The following CDH1 variants were observed in gnomAD, a reference collection of about 807,000 sequenced individuals.
The protein encoded by CDH1 is cadherin 1.
Under a neutral mutation model 84.5 loss-of-function variants are expected in CDH1, and 35 were observed. That is an observed-to-expected ratio of 0.41 (90% confidence interval 0.32 to 0.55). The LOEUF (loss-of-function observed/expected upper bound fraction) is 0.55, where lower values mean the gene tolerates loss of function less well. Ranked by LOEUF, CDH1 falls within the 20% of genes least tolerant of loss-of-function variation. The pLI is 0.19. For missense variants in CDH1, 994 were observed against 1,126.6 expected, an observed-to-expected ratio of 0.88 and a Z score of 1.68; for synonymous variants, 417 against 439.0, an observed-to-expected ratio of 0.95 and a Z score of 0.63.
chr16:68,812,000 G>T, intron 7 of CDH1, 135 bp from the exon 8 acceptor site: 4 of 1,480,184 alleles, frequency 2.7e-6, no homozygotes, highest in Non-Finnish European at 3.8e-6. Context: ...TGTGCCCAGA[G>T]GTTCCGTGCC....
intron 2 of CDH1, among the ~76,000 whole-genome samples, chr16:68,756,918 C>G (rs1963031457): frequency 6.6e-6 from 1 of 152,140 alleles, no homozygotes; most frequent in Non-Finnish European, 1.5e-5. Context: ...AGGTAGATCC[C>G]TTGAGTCCAG....
chr16:68,750,101 C>T (rs1354049742), intron 2 of CDH1, among the ~76,000 whole-genome samples: 3 of 146,576 alleles, frequency 2.0e-5, no homozygotes, highest in African/African-American at 7.5e-5. Flanking sequence ...TGTGAGCCAC[C>T]AGGCCTGGCC....
chr16:68,815,597 C>T lies in CDH1; in HGVS notation c.1403C>T (p.Thr468Ile), dbSNP rs876659141. 14 of 1,614,240 alleles carry T rather than the reference C, an allele frequency of 8.7e-6. No homozygotes were observed. Among genetic ancestry groups the T allele is most frequent in the Non-Finnish European group, 1.2e-5 (14 of 1,180,050 alleles). Residue 468 changes from threonine (T) to isoleucine (I), a missense_variant, in exon 10 of 16, where the codon ACC (threonine) becomes ATC (isoleucine). Coordinates refer to ENST00000261769, the MANE Select transcript of CDH1 (RefSeq NM_004360.5). ...GTACCTTTTGAGGTCTCTCTCACCA[C>T]CTCCACAGCCACCGTCACCGTGGAT... ...NVVPFEVSLT[T>I]STATVTVDVL... is the part of the protein sequence containing the mutation.
chr16:68,818,264 A>G (rs1029910136), intron 10 of CDH1, among the ~76,000 whole-genome samples: 1 of 151,756 alleles, frequency 6.6e-6, no homozygotes, highest in Admixed American at 6.6e-5. Flanking sequence ...AGAAAAGAAA[A>G]AAAAAGAAAA....
chr16:68,771,475 C>T (rs1260334921), intron 2 of CDH1, among the ~76,000 whole-genome samples: 3 of 152,008 alleles, frequency 2.0e-5, no homozygotes, highest in Admixed American at 6.6e-5. Context: ...TTTTTGTAGC[C>T]GGGCGCGGTG....
In CDH1 at chr16:68,750,150, C is replaced by CTTTTTTTTTTTTTTTTTTTTTTTT. The variant is rs34551002; in HGVS notation, c.163+11749_163+11750insTTTTTTTTTTTTTTTTTTTTTTTT. Among the ~76,000 whole-genome samples the CTTTTTTTTTTTTTTTTTTTTTTTT allele has an allele frequency of 7.5e-4, 59 of 79,104 alleles. 5 individuals are homozygous for CTTTTTTTTTTTTTTTTTTTTTTTT. Among genetic ancestry groups the CTTTTTTTTTTTTTTTTTTTTTTTT allele is most frequent in the South Asian group, 1.9e-3 (4 of 2,062 alleles). The allele number at this position is 79,104 out of a possible 152,430, so 51.9% of individuals were successfully genotyped here. A position where few individuals can be genotyped will look rare whatever the true frequency, so the allele number is the denominator to read the frequency against. On this transcript the variant is annotated intron_variant, in intron 2 of 15. Transcript: ENST00000261769. Reference sequence around the variant, plus strand: ...TTTTGATTGTGATGCTAGAATTCAGCTTTTTTTTTTGCCTTTGGAAGGCCT... The same window carrying CTTTTTTTTTTTTTTTTTTTTTTTT: ...TTTTGATTGTGATGCTAGAATTCAGCTTTTTTTTTTTTTTTTTTTTTTTTTTTTTTTTTTGCCTTTGGAAGGCCT...
intron 2 of CDH1, among the ~76,000 whole-genome samples, chr16:68,760,646 G>A (rs551248210): frequency 5.3e-5 from 8 of 152,070 alleles, no homozygotes; most frequent in South Asian, 2.1e-4. Flanking sequence ...GTTCTCTTCC[G>A]CACAGTGTGT....
intron 13 of CDH1, among the ~76,000 whole-genome samples, chr16:68,826,771 A>G (rs1308100227): frequency 1.3e-5 from 2 of 152,154 alleles, no homozygotes; most frequent in African/African-American, 2.4e-5. Flanking sequence ...CTTGCTTTGC[A>G]TGGATGGGGA....
At chr16:68,820,491 C>G (rs1021717812) in intron 11 of CDH1, among the ~76,000 whole-genome samples, 1 of 151,860 alleles carries the variant, frequency 6.6e-6, no homozygotes, top group African/African-American at 2.4e-5. Context: ...GCTGGGATTA[C>G]AGGTGTGCAC....
At chr16:68,815,331 GAGC>G (rs1960951944) in intron 9 of CDH1, among the ~76,000 whole-genome samples, 181 bp from the exon 10 acceptor site, 1 of 152,154 alleles carries the variant, frequency 6.6e-6, no homozygotes, top group South Asian at 2.1e-4. Flanking sequence ...TTGAGTAGGT[GAGC>G]AGATTTGAGA....
At chr16:68,831,222 G>C (rs907241213) in intron 15 of CDH1, among the ~76,000 whole-genome samples, 1 of 150,292 alleles carries the variant, frequency 6.7e-6, no homozygotes, top group African/African-American at 2.4e-5. Context: ...GTGCCTACAG[G>C]CACCTGCCAT....
intron 2 of CDH1, among the ~76,000 whole-genome samples, chr16:68,776,947 T>C (rs1310413447): frequency 1.3e-5 from 2 of 152,186 alleles, no homozygotes; most frequent in African/African-American, 2.4e-5. Flanking sequence ...CTCAAGTATG[T>C]CTGAGTGGTG....
chr16:68,760,086 A>ATT (rs56019300), intron 2 of CDH1, among the ~76,000 whole-genome samples: 51 of 122,140 alleles, frequency 4.2e-4, no homozygotes, highest in Middle Eastern at 9.0e-3. Flanking sequence ...ATATATATAT[A>ATT]TTTTTTTTTT....
intron 10 of CDH1, 52 bp downstream of exon 10, chr16:68,815,811 A>T (rs777998839): frequency 1.3e-6 from 2 of 1,593,736 alleles, no homozygotes; most frequent in South Asian, 2.2e-5. Flanking sequence ...ATTTTATATC[A>T]TTTTATATGT....
intron 2 of CDH1, among the ~76,000 whole-genome samples, chr16:68,743,359 C>CTTTCTTTCTTTCT: frequency 1.8e-5 from 1 of 55,634 alleles, no homozygotes; most frequent in Non-Finnish European, 3.5e-5. Context: ...TTCTTTCTTT[C>CTTTCTTTCTTTCT]TTTCTTTTCT....
At chr16:68,813,672 A>T in intron 9 of CDH1, 177 bp downstream of exon 9, 1 of 760,820 alleles carries the variant, frequency 1.3e-6, no homozygotes. Context: ...GTAAGAAATC[A>T]AGAAACTGTG....
chr16:68,808,588 T>C (rs2152129874), intron 4 of CDH1, 21 bp downstream of exon 4: 1 of 1,614,108 alleles, frequency 6.2e-7, no homozygotes, highest in Non-Finnish European at 8.5e-7. Context: ...AAGTTCTCTG[T>C]TTCTCTGGGA....
At chr16:68,770,532 C>T (rs1259613047) in intron 2 of CDH1, among the ~76,000 whole-genome samples, 1 of 151,888 alleles carries the variant, frequency 6.6e-6, no homozygotes. Flanking sequence ...CTTCAGGGAA[C>T]GTGGCAATAA....
At chr16:68,806,132 A>G (rs201165540) in intron 3 of CDH1, among the ~76,000 whole-genome samples, 9 of 30,606 alleles carry the variant, frequency 2.9e-4, no homozygotes, top group African/African-American at 7.0e-4. Context: ...ATATTTATTT[A>G]TTTATTTATT....
Sources: allele counts gnomAD v4.1 joint callset (sites outside exome capture counted in the v4.1 genomes callset), GRCh38; gene constraint gnomAD v4.1.1; transcripts MANE v1.5; gene names NCBI Gene and HGNC (gene_info 2026-07-23, HGNC 2026-07-21).